Variants in P4HA3 observed in about 807,000 individuals in gnomAD.
P4HA3 encodes prolyl 4-hydroxylase subunit alpha 3.
A neutral mutation model predicts 66.7 loss-of-function variants in P4HA3; 60 were observed. That is an observed-to-expected ratio of 0.90 (90% confidence interval 0.73 to 1.12). The LOEUF (loss-of-function observed/expected upper bound fraction) is 1.12, where lower values mean the gene tolerates loss of function less well. Among genes scored for constraint, P4HA3 ranks in the 50% most tolerant of loss-of-function variants. The pLI, the probability that P4HA3 is intolerant of heterozygous loss-of-function variation, is 0.00. For missense variants in P4HA3, 683 were observed against 685.8 expected (o/e 1.00, Z 0.05); for synonymous variants, 263 against 274.6 (o/e 0.96, Z 0.42).
chr11:74,283,324 A>G (rs949707734), intron 7 of P4HA3, among the ~76,000 whole-genome samples: 6 of 152,210 alleles, frequency 3.9e-5, no homozygotes, highest in African/African-American at 1.2e-4. Context: ...CTGCTGGCCA[A>G]AAGCTACTAC....
At chr11:74,307,939 G>A (rs1861621115) in intron 1 of P4HA3, among the ~76,000 whole-genome samples, 1 of 152,008 alleles carries the variant, frequency 6.6e-6, no homozygotes, top group Admixed American at 6.6e-5. Flanking sequence ...CTCACTCTTG[G>A]TGGTGTTTTA....
intron 5 of P4HA3, among the ~76,000 whole-genome samples, chr11:74,288,386 C>A (rs532093425): frequency 1.3e-5 from 2 of 152,292 alleles, no homozygotes; most frequent in African/African-American, 2.4e-5. Flanking sequence ...TTCCTTCTTG[C>A]GTACATAGTG....
intron 8 of P4HA3, among the ~76,000 whole-genome samples, chr11:74,278,072 C>T (rs1860462361): frequency 6.6e-6 from 1 of 152,070 alleles, no homozygotes; most frequent in Admixed American, 6.6e-5. Flanking sequence ...TAACTAAGAA[C>T]AAAGTAAGGT....
chr11:74,261,038 C>T, intron 14 of P4HA3, among the ~76,000 whole-genome samples: 1 of 152,214 alleles, frequency 6.6e-6, no homozygotes, highest in East Asian at 1.9e-4. Context: ...TGCCCACTGA[C>T]CCACCTGTGC....
At chr11:74,311,094 A>T (rs1861726601) in intron 1 of P4HA3, among the ~76,000 whole-genome samples, 1 of 151,982 alleles carries the variant, frequency 6.6e-6, no homozygotes, top group African/African-American at 2.4e-5. Flanking sequence ...TTGCTGTGTG[A>T]CGCTGGATAT....
intron 3 of P4HA3, among the ~76,000 whole-genome samples, chr11:74,299,640 A>G (rs1424334211): frequency 6.6e-6 from 1 of 151,010 alleles, no homozygotes; most frequent in African/African-American, 2.5e-5. Flanking sequence ...AATAAACTAT[A>G]AAAAGCGTTT....
rs1860762392 is a variant in P4HA3 at position 74,285,566 on chromosome 11, G to C, written c.1110+243C>G. The C allele has an allele frequency of 1.4e-5, 6 of 434,904 alleles. No individual in the cohort carries two copies. The Middle Eastern group carries it at 1.9e-3, about 134-fold the overall frequency. 26.9% of individuals were successfully genotyped at this position (434,904 alleles called of 1,614,324 possible). A position where few individuals can be genotyped will look rare whatever the true frequency, so the allele number is the denominator to read the frequency against. ...TGTACCACGTCCCTAACAAGATATT[G>C]AGAGCACATTTTCAATACCCCAGAG... On this transcript the variant is annotated intron_variant, in intron 7 of 12. Coordinates refer to ENST00000331597, the MANE Select transcript of P4HA3 (RefSeq NM_182904.5).
chr11:74,271,456 G>A (rs1860194753), intron 10 of P4HA3, among the ~76,000 whole-genome samples: 1 of 152,116 alleles, frequency 6.6e-6, no homozygotes, highest in Non-Finnish European at 1.5e-5. Flanking sequence ...AGCACGGCAT[G>A]GGCTGTAAGA....
At chr11:74,260,304 G>A (rs1859886916) in intron 14 of P4HA3, among the ~76,000 whole-genome samples, 1 of 152,156 alleles carries the variant, frequency 6.6e-6, no homozygotes, top group Admixed American at 6.5e-5. Flanking sequence ...CCCAGGCCCT[G>A]GAGGGTTCAC....
At chr11:74,253,983 C>T (rs1345820958) in intron 15 of P4HA3, 1 of 170,876 alleles carries the variant, frequency 5.9e-6, no homozygotes, top group African/African-American at 2.4e-5. Flanking sequence ...AAACACTAGT[C>T]AGGTACCGTT....
intron 3 of P4HA3, among the ~76,000 whole-genome samples, chr11:74,300,517 G>A (rs985874241): frequency 6.6e-6 from 1 of 152,156 alleles, no homozygotes; most frequent in African/African-American, 2.4e-5. Context: ...TACTCGGGAG[G>A]CTGAGGTGGG....
At chr11:74,261,564 T>C (rs796556080) in intron 14 of P4HA3, among the ~76,000 whole-genome samples, 38 of 152,000 alleles carry the variant, frequency 2.5e-4, no homozygotes, top group African/African-American at 9.2e-4. Context: ...CCGTTATCAA[T>C]AACATGTTAT....
At chr11:74,298,171 C>T (rs1262216564) in intron 4 of P4HA3, 41 bp downstream of exon 4, 2 of 1,593,058 alleles carry the variant, frequency 1.3e-6, no homozygotes, top group South Asian at 1.1e-5. Context: ...AAGGATTTCA[C>T]TTAGTATAAT....
intron 5 of P4HA3, among the ~76,000 whole-genome samples, chr11:74,288,279 G>T (rs562327119): frequency 6.6e-6 from 1 of 152,272 alleles, no homozygotes; most frequent in African/African-American, 2.4e-5. Context: ...CCTACTGGCT[G>T]GGCAGGATGC....
intron 8 of P4HA3, among the ~76,000 whole-genome samples, chr11:74,278,677 G>T (rs1251895310): frequency 6.6e-6 from 1 of 152,150 alleles, no homozygotes; most frequent in Non-Finnish European, 1.5e-5. Flanking sequence ...TGAGGTCATA[G>T]GGACCTTCCA....
chr11:74,296,132 C>T (rs950336499), intron 4 of P4HA3, among the ~76,000 whole-genome samples: 9 of 152,200 alleles, frequency 5.9e-5, no homozygotes, highest in East Asian at 1.9e-4. Flanking sequence ...GCATGTGCCA[C>T]GCACGCATTC....
In P4HA3 at chr11:74,279,406, T is replaced by G. The variant is rs774211121; in HGVS notation, c.1157A>C (p.Glu386Ala). Residue 386 changes from glutamate to alanine, a missense_variant, in exon 8 of 13, where the codon GAG becomes GCG. Coordinates refer to ENST00000331597, the MANE Select transcript of P4HA3 (RefSeq NM_182904.5). ...TTCTTACCTTTTGCTGATGCGGTAC[T>G]CCACTTGTAACTGCTTCTCCCCTGA... ...VASGEKQLQV[E>A]YRISKSAWLK... 6 of 1,613,794 alleles carry G rather than the reference T, an allele frequency of 3.7e-6. No individual in the cohort carries two copies. The South Asian group carries it at 6.6e-5, about 18-fold the overall frequency.
chr11:74,291,165 C>T (rs1385326439), intron 4 of P4HA3, among the ~76,000 whole-genome samples: 1 of 152,102 alleles, frequency 6.6e-6, no homozygotes, highest in Non-Finnish European at 1.5e-5. Flanking sequence ...CTTCCCATCC[C>T]TTGTAAGTTG....
At chr11:74,263,349 G>T (rs191421858), downstream of P4HA3, among the ~76,000 whole-genome samples, 1 of 152,328 alleles carries the variant, frequency 6.6e-6, no homozygotes, top group East Asian at 1.9e-4. Context: ...GTGGCACAAG[G>T]GATAGACCTT....
Sources: gnomAD v4.1 joint callset for allele counts (sites outside exome capture counted in the v4.1 genomes callset) on GRCh38, gnomAD v4.1.1 for gene constraint, MANE v1.5 for transcripts, NCBI Gene and HGNC (gene_info 2026-07-23, HGNC 2026-07-21) for gene names.